The following NAV3 variants were observed in gnomAD, a reference collection of about 807,000 sequenced individuals.
NAV3 encodes the protein neuron navigator 3.
NAV3 carries 87 observed loss-of-function variants against 244.7 expected under a neutral mutation model. The observed-to-expected ratio is 0.36, with a 90% CI of 0.30 to 0.42. The LOEUF is 0.42. Ranked by LOEUF, NAV3 falls within the 20% of genes least tolerant of loss-of-function variation. The pLI is 1.00. For missense variants in NAV3, 2,663 were observed against 2,893.3 expected (o/e 0.92, Z 1.83); for synonymous variants, 1,126 against 1,042.2 (o/e 1.08, Z -1.55).
At chr12:77,866,463 A>T (rs892371088) in intron 1 of NAV3, among the ~76,000 whole-genome samples, 4 of 152,212 alleles carry the variant, frequency 2.6e-5, no homozygotes, top group Non-Finnish European at 5.9e-5. Flanking sequence ...TTTGATTTGA[A>T]TCAGAAGACT....
chr12:78,006,891 T>G lies in NAV3; in HGVS notation c.1353T>G (p.Ala451=). ...KVSPKLAPPK[A]GSKNLSNKKS... The stretch of plus-strand genomic sequence containing the variant: ...CACCTAAGTTGGCCCCTCCAAAAGC[T>G]GGAAGCAAAAATCTCAGCAATAAAA... Residue 451 remains alanine (A), a synonymous_variant, in exon 8 of 40, where the codon GCT becomes GCG. Transcript: ENST00000397909. The G allele has an allele frequency of 6.2e-7, 1 of 1,613,780 alleles. No individual in the cohort carries two copies.
At chr12:77,622,492 G>C (rs1475169445) in intron 2 of NAV3, among the ~76,000 whole-genome samples, 1 of 145,654 alleles carries the variant, frequency 6.9e-6, no homozygotes, top group Non-Finnish European at 1.5e-5. Context: ...CCACCACATT[G>C]ATCAAGGTCC....
At chr12:78,166,008 T>C (rs1423897757) in intron 23 of NAV3, among the ~76,000 whole-genome samples, 3 of 151,486 alleles carry the variant, frequency 2.0e-5, no homozygotes, top group South Asian at 2.1e-4. Flanking sequence ...TAAAGTTTTA[T>C]GTTATTCTTT....
At chr12:77,885,583 A>G (rs1463649477) in intron 1 of NAV3, among the ~76,000 whole-genome samples, 1 of 152,152 alleles carries the variant, frequency 6.6e-6, no homozygotes, top group Non-Finnish European at 1.5e-5. Flanking sequence ...TGAATCAAAA[A>G]TTTTAAGAAA....
In NAV3 at chr12:78,049,064, TC is replaced by T. The variant is rs1882317915; in HGVS notation, c.2024-923del. Among the ~76,000 whole-genome samples the T allele has an allele frequency of 2.6e-5, 4 of 151,978 alleles. No homozygotes were observed. In the South Asian group the frequency reaches 8.3e-4, roughly 32 times the overall value. On this transcript the variant is annotated intron_variant, in intron 9 of 39. Coordinates refer to ENST00000397909, the MANE Select transcript of NAV3 (RefSeq NM_001024383.2). ...AAGCCTCAGTTATGGCAGTTGCCCC[TC>T]CCCCCACCAAGCTCCAGGGTCCCAG...
At chr12:78,165,354 C>A (rs946328099) in intron 23 of NAV3, among the ~76,000 whole-genome samples, 1 of 151,970 alleles carries the variant, frequency 6.6e-6, no homozygotes, top group Non-Finnish European at 1.5e-5. Context: ...GAATAAGAAA[C>A]TGGAAATGAC....
chr12:77,874,548 T>C (rs1677924), intron 1 of NAV3, among the ~76,000 whole-genome samples: 22,699 of 152,054 alleles, frequency 0.15, 1,893 homozygotes, highest in African/African-American at 0.23. Context: ...GATTCATAGA[T>C]TTAAAAAAAA....
At chr12:77,702,332 T>A (rs1470580032) in intron 2 of NAV3, among the ~76,000 whole-genome samples, 1 of 152,040 alleles carries the variant, frequency 6.6e-6, no homozygotes, top group Non-Finnish European at 1.5e-5. Flanking sequence ...ATTCTCTACC[T>A]TTCTGTCCTT....
chr12:77,844,928 C>A (rs1365544205), intron 1 of NAV3, among the ~76,000 whole-genome samples: 2 of 152,154 alleles, frequency 1.3e-5, no homozygotes, highest in Non-Finnish European at 2.9e-5. Context: ...ACAAGAATAG[C>A]AACCTCACTT....
At chr12:77,579,674 T>C (rs1010407661) in intron 2 of NAV3, among the ~76,000 whole-genome samples, 1 of 152,138 alleles carries the variant, frequency 6.6e-6, no homozygotes, top group Non-Finnish European at 1.5e-5. Context: ...ATACAAACCA[T>C]AGTACTACCT....
At chr12:78,176,591 C>G (rs1958238126) in intron 26 of NAV3, 132 bp downstream of exon 26, 2 of 829,406 alleles carry the variant, frequency 2.4e-6, no homozygotes, top group Non-Finnish European at 3.7e-6. Context: ...TTCTTTGTGT[C>G]TTTTCATTTT....
intron 2 of NAV3, among the ~76,000 whole-genome samples, chr12:77,745,166 T>G (rs2137415612): frequency 6.6e-6 from 1 of 152,164 alleles, no homozygotes; most frequent in East Asian, 1.9e-4. Context: ...TGCAGTAATT[T>G]TTGCTGGTTT....
intron 1 of NAV3, among the ~76,000 whole-genome samples, chr12:77,835,632 G>A (rs1313512304): frequency 2.6e-5 from 4 of 152,096 alleles, no homozygotes; most frequent in Non-Finnish European, 1.5e-5. Context: ...TATAGCTTGG[G>A]TTTATCTTCT....
At chr12:77,998,288 C>A (rs373170355) in intron 6 of NAV3, 49 bp from the exon 7 acceptor site, 13 of 1,385,048 alleles carry the variant, frequency 9.4e-6, no homozygotes, top group Non-Finnish European at 1.2e-5. Context: ...CTGCTTCTTA[C>A]CTTTTTGTAA....
chr12:77,673,016 A>G (rs193214835), intron 2 of NAV3, among the ~76,000 whole-genome samples: 7 of 152,238 alleles, frequency 4.6e-5, no homozygotes, highest in Admixed American at 4.6e-4. Flanking sequence ...TTGTACATTC[A>G]GAATTCTTAG....
chr12:78,048,699 G>A (rs889203665), intron 9 of NAV3, among the ~76,000 whole-genome samples: 2 of 152,206 alleles, frequency 1.3e-5, no homozygotes, highest in Non-Finnish European at 2.9e-5. Flanking sequence ...CGGGGGTCAG[G>A]GACCCACTTG....
At chr12:77,595,220 C>A (rs1870112906) in intron 2 of NAV3, among the ~76,000 whole-genome samples, 1 of 151,768 alleles carries the variant, frequency 6.6e-6, no homozygotes, top group Non-Finnish European at 1.5e-5. Flanking sequence ...GAATATTGTT[C>A]AGCTTTAAAA....
At chr12:78,142,736 T>A (rs866364154) in intron 20 of NAV3, among the ~76,000 whole-genome samples, 1,488 of 96,886 alleles carry the variant, frequency 0.015, 67 homozygotes, top group African/African-American at 0.048. Flanking sequence ...TGTGTGTGTG[T>A]GTATATATAT....
chr12:78,044,937 A>G (rs1015926729), intron 9 of NAV3, among the ~76,000 whole-genome samples: 6 of 152,114 alleles, frequency 3.9e-5, no homozygotes, highest in African/African-American at 1.4e-4. Flanking sequence ...CTCTTGCCTG[A>G]TTACCCTTGC....
Sources: allele counts gnomAD v4.1 joint callset (sites outside exome capture counted in the v4.1 genomes callset), GRCh38; gene constraint gnomAD v4.1.1; transcripts MANE v1.5; gene names NCBI Gene and HGNC (gene_info 2026-07-23, HGNC 2026-07-21).